Variants in RHBG observed in about 807,000 individuals in gnomAD.
RHBG encodes Rh family B glycoprotein.
In RHBG, 39 loss-of-function variants were observed where a neutral mutation model predicts 40.1. The observed-to-expected ratio is 0.97, with a 90% CI of 0.75 to 1.27. The LOEUF (loss-of-function observed/expected upper bound fraction) is 1.27, where lower values mean the gene tolerates loss of function less well. Ranked by LOEUF, RHBG falls within the 50% of genes most tolerant of loss-of-function variation. RHBG has a pLI of 0.00. For missense variants in RHBG, 549 were observed against 588.1 expected, an observed-to-expected ratio of 0.93 and a Z score of 0.69; for synonymous variants, 237 against 252.5, an observed-to-expected ratio of 0.94 and a Z score of 0.58.
intron 4 of RHBG, among the ~76,000 whole-genome samples, chr1:156,379,140 G>A (rs545256622): frequency 1.1e-4 from 16 of 151,972 alleles, no homozygotes; most frequent in African/African-American, 2.4e-4. Flanking sequence ...GATTACAGGC[G>A]CGTGCCACCA....
Position 156,377,348 on chromosome 1 carries a change from A to G in RHBG, c.235A>G (p.Met79Val), listed in dbSNP as rs1046539925. 8.5e-5 allele frequency: 137 copies of G among 1,613,942 alleles called. No homozygotes were observed. The highest frequency in any genetic ancestry group is 1.1e-4 in the Non-Finnish European group (130 of 1,179,954). ...GGTCTTCGTGGGCTTTGGCTTCCTC[A>G]TGGTCTTCCTGCAGCGTTACGGCTT... ...AMVFVGFGFL[M>V]VFLQRYGFSS... The change falls in exon 2 of 10, where the codon ATG becomes GTG. Residue 79 changes from methionine (M) to valine (V), a missense_variant. Transcript: ENST00000537040. This position sits in a 1 kb window ranked among gnomAD's most constrained non-coding sequence, Gnocchi z 4.6.
chr1:156,383,168 A>T (rs1272103763), intron 8 of RHBG, among the ~76,000 whole-genome samples: 9 of 152,200 alleles, frequency 5.9e-5, no homozygotes, highest in Admixed American at 5.2e-4. Context: ...CCTCAGGCTG[A>T]GGCCTAGAAG....
chr1:156,374,477 T>A (rs1315029106), intron 1 of RHBG: 8 of 302,654 alleles, frequency 2.6e-5, no homozygotes, highest in Admixed American at 1.9e-4. Flanking sequence ...AACTTTTTTT[T>A]AGCTTCCACA....
At chr1:156,382,411 C>T (rs1667720091) in intron 7 of RHBG, 1 of 665,060 alleles carries the variant, frequency 1.5e-6, no homozygotes, top group African/African-American at 1.8e-5. Flanking sequence ...GAACAAATGA[C>T]TTCAAGAGTG....
intron 7 of RHBG, 81 bp downstream of exon 7, chr1:156,382,282 A>G (rs1163471617): frequency 6.3e-7 from 1 of 1,591,490 alleles, no homozygotes; most frequent in Non-Finnish European, 8.6e-7. Flanking sequence ...TGTGTGACCA[A>G]GAAAAAAGAA....
At chr1:156,379,914 G>A (rs1034047979) in intron 4 of RHBG, among the ~76,000 whole-genome samples, 1 of 152,032 alleles carries the variant, frequency 6.6e-6, no homozygotes, top group African/African-American at 2.4e-5. Flanking sequence ...AGGGTAAATG[G>A]GCTTCCAGTT....
intron 1 of RHBG, among the ~76,000 whole-genome samples, chr1:156,375,149 G>A (rs1053591031): frequency 1.3e-5 from 2 of 151,610 alleles, no homozygotes; most frequent in African/African-American, 4.9e-5. Context: ...TTAGCTCACT[G>A]TAACCTCCAC....
At chr1:156,374,900 T>C (rs1667087070) in intron 1 of RHBG, among the ~76,000 whole-genome samples, 1 of 152,056 alleles carries the variant, frequency 6.6e-6, no homozygotes, top group Non-Finnish European at 1.5e-5. Context: ...TTCCATTCTT[T>C]TTTTATGGCT....
chr1:156,373,816 T>C (rs79549829), intron 1 of RHBG, among the ~76,000 whole-genome samples: 3,343 of 152,304 alleles, frequency 0.022, 182 homozygotes, highest in East Asian at 0.22. Flanking sequence ...ACATGGATTC[T>C]CTTTACTGTT....
chr1:156,374,338 A>C (rs1667046358), intron 1 of RHBG, among the ~76,000 whole-genome samples: 1 of 152,272 alleles, frequency 6.6e-6, no homozygotes, highest in South Asian at 2.1e-4. Context: ...GATCACTAGA[A>C]CTTATTCCTT....
In RHBG at chr1:156,369,234, G is replaced by C. The variant is rs373478706; in HGVS notation, c.-16G>C. 8.4e-4 allele frequency: 1,355 copies of C among 1,607,578 alleles called. 3 individuals carry two copies. The highest frequency in any genetic ancestry group is 7.5e-4 in the Non-Finnish European group (886 of 1,177,464). On this transcript the variant is annotated 5_prime_UTR_variant, in exon 1 of 10. Transcript: ENST00000537040. Reference sequence around the variant, plus strand: ...GCCAAAGCCTGCGAGCGCCAGCCGAGATCGCAGCCCAACCCATGGCCGGGT... The same window carrying C: ...GCCAAAGCCTGCGAGCGCCAGCCGACATCGCAGCCCAACCCATGGCCGGGT...
chr1:156,378,142 T>TG lies in RHBG; in HGVS notation c.525+3dup, dbSNP rs1667350333. On this transcript the variant is annotated splice_region_variant and intron_variant, in intron 3 of 9. Transcript: ENST00000537040. Reference sequence around the variant, plus strand: ...TTTGTGCTCCTTCATCTCCTGGGGGTGAGAGTCTGGGGAGGGATGGAGTCG... The same window carrying TG: ...TTTGTGCTCCTTCATCTCCTGGGGGTGGAGAGTCTGGGGAGGGATGGAGTCG... The TG allele has an allele frequency of 1.9e-5, 29 of 1,546,042 alleles. No homozygotes were observed. Among genetic ancestry groups the TG allele is most frequent in the Non-Finnish European group, 2.3e-5 (27 of 1,150,132 alleles).
At chr1:156,375,121 G>T (rs1322494115) in intron 1 of RHBG, among the ~76,000 whole-genome samples, 3 of 151,852 alleles carry the variant, frequency 2.0e-5, no homozygotes, top group Non-Finnish European at 4.4e-5. Context: ...GCCCAGGCTG[G>T]AGTACAATGG....
rs1667947851 is a variant in RHBG at position 156,384,985 on chromosome 1, G to A, written c.*140G>A. 1 of 611,132 alleles carries A rather than the reference G, an allele frequency of 1.6e-6. No individual in the cohort carries two copies. 37.9% of individuals were successfully genotyped at this position (611,132 alleles called of 1,614,324 possible). A position where few individuals can be genotyped will look rare whatever the true frequency, so the allele number is the denominator to read the frequency against. On this transcript the variant is annotated 3_prime_UTR_variant, in exon 10 of 10. Coordinates refer to ENST00000537040, the MANE Select transcript of RHBG (RefSeq NM_020407.5). ...AGAAGGAGGCCCCTTTCCACAGGCA[G>A]CGTCTCCACAGGGAGAGGGGCAACA...
Position 156,373,023 on chromosome 1 carries a change from A to G in RHBG, c.187+3587A>G, listed in dbSNP as rs141041665. On this transcript the variant is annotated intron_variant, in intron 1 of 9. Coordinates refer to ENST00000537040, the MANE Select transcript of RHBG (RefSeq NM_020407.5). ...CCAGCTTTAACAGCTGTCTTCTCCC[A>G]TAATCTTGTCTGGTCCAGGAGTTAT... Among the ~76,000 whole-genome samples the G allele has an allele frequency of 2.6e-5, 4 of 152,334 alleles. No homozygotes were observed. The East Asian group carries it at 7.7e-4, about 29-fold the overall frequency.
At chr1:156,369,596 G>C (rs1054899662) in intron 1 of RHBG, among the ~76,000 whole-genome samples, 160 bp downstream of exon 1, 1 of 152,174 alleles carries the variant, frequency 6.6e-6, no homozygotes, top group African/African-American at 2.4e-5. Context: ...CCTTTCACTA[G>C]TGCCTGCTAT....
intron 8 of RHBG, among the ~76,000 whole-genome samples, chr1:156,383,527 C>T (rs963784229): frequency 2.0e-5 from 3 of 152,068 alleles, no homozygotes; most frequent in South Asian, 2.1e-4. Context: ...CCGCCCGCCT[C>T]GGCCTCCCAA....
intron 4 of RHBG, among the ~76,000 whole-genome samples, chr1:156,380,409 C>T (rs1295943739): frequency 6.6e-6 from 1 of 151,926 alleles, no homozygotes. Flanking sequence ...CCTTCTTTAC[C>T]TTTTTTGATA....
rs756512266 is a variant in RHBG at position 156,377,382 on chromosome 1, T to C, written c.269T>C (p.Val90Ala). 1 of 1,614,226 alleles carries C rather than the reference T, an allele frequency of 6.2e-7. No individual in the cohort carries two copies. Among genetic ancestry groups the C allele is most frequent in the South Asian group, 1.1e-5 (1 of 91,084 alleles). ...VFLQRYGFSS[V>A]GFTFLLAAFA... is the part of the protein sequence containing the mutation. ...CTGCAGCGTTACGGCTTCAGCAGCG[T>C]GGGCTTCACCTTCCTCCTGGCCGCC... The change falls in exon 2 of 10, where the codon GTG becomes GCG. Residue 90 changes from valine to alanine, a missense_variant. Transcript: ENST00000537040. The surrounding 1 kb of genome is among the most constrained non-coding windows in gnomAD (Gnocchi z 4.6).
Sources: allele counts gnomAD v4.1 joint callset (sites outside exome capture counted in the v4.1 genomes callset), GRCh38; gene constraint gnomAD v4.1.1; non-coding constraint Gnocchi (gnomAD v3.1); transcripts MANE v1.5; gene names NCBI Gene and HGNC (gene_info 2026-07-23, HGNC 2026-07-21).